Variants in POSTN observed in about 807,000 individuals in gnomAD.
The protein encoded by POSTN is periostin.
In POSTN, 71 loss-of-function variants were observed where a neutral mutation model predicts 104.5. The observed-to-expected ratio is 0.68, with a 90% CI of 0.56 to 0.83. The LOEUF (loss-of-function observed/expected upper bound fraction) is 0.83. POSTN is among the 40% of genes least tolerant of loss of function. POSTN has a pLI of 0.00. For missense variants in POSTN, 949 were observed against 1,006.8 expected, an observed-to-expected ratio of 0.94 and a Z score of 0.78; for synonymous variants, 355 against 340.7, an observed-to-expected ratio of 1.04 and a Z score of -0.46.
intron 6 of POSTN, 127 bp downstream of exon 6, chr13:37,586,655 T>C (rs1950753734): frequency 3.5e-6 from 3 of 845,254 alleles, no homozygotes; most frequent in Admixed American, 5.5e-5. Context: ...AAAATGAAAA[T>C]AGTAGTCCTT....
chr13:37,580,639 G>A lies in POSTN; in HGVS notation c.1451C>T (p.Ala484Val), dbSNP rs145787730. ...EKGSKQGRNG[A>V]IHIFREIIKP... ...GATGATCTCGCGGAATATGTGAATC[G>A]CACCGTTTCTCCCTTGCTTACTCCC... The change falls in exon 11 of 23, where the codon GCG becomes GTG. Residue 484 changes from alanine (A) to valine (V), a missense_variant. Ala to Val is a moderately conservative substitution (Grantham distance 64). Coordinates refer to ENST00000379747, the MANE Select transcript of POSTN (RefSeq NM_006475.3). 2,714 of 1,613,886 alleles carry A rather than the reference G, an allele frequency of 1.7e-3. 1 individual carries two copies. The highest frequency in any genetic ancestry group is 2.2e-3 in the Non-Finnish European group (2,579 of 1,179,892).
At chr13:37,574,509 G>T in intron 17 of POSTN, 63 bp downstream of exon 17, 1 of 1,510,628 alleles carries the variant, frequency 6.6e-7, no homozygotes, top group Non-Finnish European at 8.8e-7. Flanking sequence ...TACATTCATA[G>T]AGATCAGTAT....
intron 9 of POSTN, among the ~76,000 whole-genome samples, chr13:37,583,757 C>T (rs1010482725): frequency 2.0e-5 from 3 of 152,036 alleles, no homozygotes; most frequent in African/African-American, 7.2e-5. Context: ...ACAAATTTCA[C>T]TCTCTGTAGG....
intron 22 of POSTN, 102 bp downstream of exon 22, chr13:37,564,417 A>T: frequency 2.9e-6 from 2 of 686,320 alleles, no homozygotes; most frequent in Admixed American, 2.7e-5. Context: ...CTGATCGATA[A>T]CAAGTTTCAA....
chr13:37,580,811 T>A, intron 10 of POSTN, 114 bp from the exon 11 acceptor site: 1 of 1,289,716 alleles, frequency 7.8e-7, no homozygotes, highest in Middle Eastern at 1.9e-4. Flanking sequence ...TTGCCTGGTG[T>A]CTGAGGCCAC....
intron 12 of POSTN, among the ~76,000 whole-genome samples, chr13:37,579,591 A>G (rs1037039195): frequency 3.3e-5 from 5 of 152,248 alleles, no homozygotes; most frequent in Admixed American, 3.3e-4. Flanking sequence ...CTAAATTATA[A>G]CTGTTTTCTT....
Position 37,569,291 on chromosome 13 carries a change from T to C in POSTN, c.2431+9A>G, listed in dbSNP as rs1950195954. On this transcript the variant is annotated intron_variant, in intron 21 of 22. Coordinates refer to ENST00000379747, the MANE Select transcript of POSTN (RefSeq NM_006475.3). The stretch of plus-strand genomic sequence containing the variant: ...TGTTAAGGGGGTTAGTTGTTGTCCT[T>C]TTACTAACCTCCCTGAAGCAGTCTT... The C allele has an allele frequency of 6.3e-7, 1 of 1,599,796 alleles. No homozygotes were observed. The highest frequency in any genetic ancestry group is 1.3e-5 in the African/African-American group (1 of 74,674).
At chr13:37,591,051 C>A (rs186001675) in intron 3 of POSTN, among the ~76,000 whole-genome samples, 81 of 152,134 alleles carry the variant, frequency 5.3e-4, no homozygotes, top group African/African-American at 1.9e-3. Context: ...TTTTTTCTGA[C>A]CCTATTTATT....
At chr13:37,575,931 C>G (rs1298009549) in intron 16 of POSTN, among the ~76,000 whole-genome samples, 1 of 152,110 alleles carries the variant, frequency 6.6e-6, no homozygotes, top group African/African-American at 2.4e-5. Context: ...ACACAGGGCT[C>G]TCTATTGCTG....
chr13:37,580,826 A>G, intron 10 of POSTN, 129 bp from the exon 11 acceptor site: 1 of 1,018,370 alleles, frequency 9.8e-7, no homozygotes, highest in Non-Finnish European at 1.5e-6. Flanking sequence ...GGCCACGGGA[A>G]CAGCTTCTTT....
chr13:37,583,964 C>A lies in POSTN; in HGVS notation c.1243+5G>T. On this transcript the variant is annotated splice_donor_5th_base_variant and intron_variant, in intron 9 of 22. Coordinates refer to ENST00000379747, the MANE Select transcript of POSTN (RefSeq NM_006475.3). ...AGAGCAGGAACAACAGTGTCCAGCACATACCAGAAAATGCATTATTCACAG... is the reference window on the plus strand; with the variant it reads ...AGAGCAGGAACAACAGTGTCCAGCAAATACCAGAAAATGCATTATTCACAG... The A allele has an allele frequency of 6.2e-7, 1 of 1,613,446 alleles. No individual in the cohort carries two copies. Among genetic ancestry groups the A allele is most frequent in the Non-Finnish European group, 8.5e-7 (1 of 1,179,658 alleles).
At chr13:37,569,210 A>T in intron 21 of POSTN, 90 bp downstream of exon 21, 1 of 901,626 alleles carries the variant, frequency 1.1e-6, no homozygotes, top group Admixed American at 2.5e-5. Context: ...TAACCCAATT[A>T]AAAGAAAAAA....
intron 1 of POSTN, 35 bp downstream of exon 1, chr13:37,598,573 G>A: frequency 6.3e-7 from 1 of 1,586,564 alleles, no homozygotes; most frequent in Non-Finnish European, 8.6e-7. Context: ...TGAGGAAAAA[G>A]AAAAATGGTT....
chr13:37,567,160 CG>C (rs1411976411), intron 21 of POSTN, among the ~76,000 whole-genome samples: 1 of 128,988 alleles, frequency 7.8e-6, no homozygotes, highest in African/African-American at 3.0e-5. Context: ...GGCGTGAACC[CG>C]GGAGGCGGAG....
At chr13:37,585,073 A>G in intron 7 of POSTN, 145 bp from the exon 8 acceptor site, 1 of 1,387,726 alleles carries the variant, frequency 7.2e-7, no homozygotes. Flanking sequence ...AATCCTATTT[A>G]TGTTCTAAAA....
chr13:37,567,373 GAA>G (rs34367215), intron 21 of POSTN, among the ~76,000 whole-genome samples: 2 of 144,034 alleles, frequency 1.4e-5, no homozygotes, highest in African/African-American at 5.0e-5. Flanking sequence ...CCAGACCTTG[GAA>G]AAAAAAAAAG....
Position 37,563,293 on chromosome 13 carries a change from C to A in POSTN, c.*40G>T. 1 of 1,486,728 alleles carries A rather than the reference C, an allele frequency of 6.7e-7. No homozygotes were observed. Among genetic ancestry groups the A allele is most frequent in the South Asian group, 1.2e-5 (1 of 82,566 alleles). 92.1% of individuals were successfully genotyped at this position (1,486,728 alleles called of 1,614,324 possible). ...CAATTTTCTAAGGTCAGGTTATTGA[C>A]TTAGGGTTGTATAAACATTTTTTTC... On this transcript the variant is annotated 3_prime_UTR_variant, in exon 23 of 23. Coordinates refer to ENST00000379747, the MANE Select transcript of POSTN (RefSeq NM_006475.3).
At chr13:37,569,458 A>T in intron 20 of POSTN, 75 bp from the exon 21 acceptor site, 1 of 1,144,908 alleles carries the variant, frequency 8.7e-7, no homozygotes, top group Non-Finnish European at 1.3e-6. Flanking sequence ...TGTCATAAAT[A>T]ATGGCATCTG....
chr13:37,563,277 A>G lies in POSTN; in HGVS notation c.*56T>C. 1 of 1,262,806 alleles carries G rather than the reference A, an allele frequency of 7.9e-7. No homozygotes were observed. Among genetic ancestry groups the G allele is most frequent in the Non-Finnish European group, 1.1e-6 (1 of 900,590 alleles). 78.2% of individuals were successfully genotyped at this position (1,262,806 alleles called of 1,614,324 possible). A position where few individuals can be genotyped will look rare whatever the true frequency, so the allele number is the denominator to read the frequency against. On this transcript the variant is annotated 3_prime_UTR_variant, in exon 23 of 23. Transcript: ENST00000379747. ...GTCAACTTGGCTCTCACAATTTTCT[A>G]AGGTCAGGTTATTGACTTAGGGTTG...
Sources: gnomAD v4.1 joint callset for allele counts (sites outside exome capture counted in the v4.1 genomes callset) on GRCh38, gnomAD v4.1.1 for gene constraint, MANE v1.5 for transcripts, NCBI Gene and HGNC (gene_info 2026-07-23, HGNC 2026-07-21) for gene names.